Variants in CD200 observed in about 807,000 individuals in gnomAD.
CD200 encodes the protein CD200 molecule.
A neutral mutation model predicts 30.9 loss-of-function variants in CD200; 15 were observed. That is an observed-to-expected ratio of 0.49 (90% CI 0.32 to 0.75). The LOEUF (loss-of-function observed/expected upper bound fraction) is 0.75. CD200 is among the 30% of genes least tolerant of loss of function. The pLI is 0.03. For missense variants in CD200, 262 were observed against 324.2 expected, an observed-to-expected ratio of 0.81 and a Z score of 1.47; for synonymous variants, 134 against 126.2, an observed-to-expected ratio of 1.06 and a Z score of -0.41.
chr3:112,344,849 A>AT, intron 2 of CD200, 113 bp from the exon 3 acceptor site: 1 of 827,272 alleles, frequency 1.2e-6, no homozygotes, highest in Non-Finnish European at 1.9e-6. Context: ...TCTTTTTTGC[A>AT]TTTTCTCTTT....
chr3:112,341,199 A>C (rs995864951), intron 2 of CD200, among the ~76,000 whole-genome samples: 1 of 152,248 alleles, frequency 6.6e-6, no homozygotes, highest in Non-Finnish European at 1.5e-5. Context: ...AGCCGTTTCC[A>C]TAGTAGATGA....
intron 5 of CD200, among the ~76,000 whole-genome samples, chr3:112,350,903 G>T (rs2081517880): frequency 6.6e-6 from 1 of 152,012 alleles, no homozygotes; most frequent in African/African-American, 2.4e-5. Flanking sequence ...TAATTCTTGT[G>T]AATTTATAAA....
At chr3:112,355,162 G>C (rs1317327372) in intron 5 of CD200, among the ~76,000 whole-genome samples, 1 of 152,128 alleles carries the variant, frequency 6.6e-6, no homozygotes, top group South Asian at 2.1e-4. Context: ...TACTTAGAGG[G>C]ACAGCTGTTT....
chr3:112,333,285 C>G, intron 1 of CD200, 61 bp downstream of exon 1: 3 of 1,521,546 alleles, frequency 2.0e-6, no homozygotes, highest in South Asian at 2.5e-5. Flanking sequence ...GCCGGTGGCC[C>G]TGGGGCGGGC....
intron 1 of CD200, among the ~76,000 whole-genome samples, chr3:112,336,771 G>A (rs1011492726): frequency 1.3e-5 from 2 of 152,138 alleles, no homozygotes; most frequent in Non-Finnish European, 2.9e-5. Context: ...ACAGGATTCA[G>A]TGGATATTGA....
intron 4 of CD200, 25 bp from the exon 5 acceptor site, chr3:112,349,687 C>A (rs1365385322): frequency 6.3e-7 from 1 of 1,583,122 alleles, no homozygotes; most frequent in Non-Finnish European, 8.6e-7. Context: ...TGTCATTTTC[C>A]TTTTTCTTTC....
intron 3 of CD200, among the ~76,000 whole-genome samples, chr3:112,346,570 G>GT (rs1468465521): frequency 1.3e-5 from 2 of 152,122 alleles, no homozygotes; most frequent in African/African-American, 4.8e-5. Context: ...CCATATTCAT[G>GT]TTTTTTCATT....
At chr3:112,332,851 C>A, upstream of CD200, 1 of 264,844 alleles carries the variant, frequency 3.8e-6, no homozygotes, top group Non-Finnish European at 7.2e-6. Context: ...AACAGGTCAA[C>A]AACTGATCTC....
intron 4 of CD200, among the ~76,000 whole-genome samples, chr3:112,348,087 T>C (rs748035179): frequency 2.6e-5 from 4 of 152,250 alleles, no homozygotes; most frequent in Non-Finnish European, 5.9e-5. Flanking sequence ...TCTTCCACTC[T>C]ACTAACATGT....
At chr3:112,338,377 A>G (rs2081165958) in intron 1 of CD200, among the ~76,000 whole-genome samples, 1 of 152,230 alleles carries the variant, frequency 6.6e-6, no homozygotes, top group Non-Finnish European at 1.5e-5. Flanking sequence ...AAATTTAATT[A>G]TTCAGCATTC....
intron 5 of CD200, among the ~76,000 whole-genome samples, chr3:112,357,986 G>A (rs1312382843): frequency 6.6e-6 from 1 of 152,178 alleles, no homozygotes; most frequent in East Asian, 1.9e-4. Flanking sequence ...TTCAGTTCAA[G>A]GGTATGGGTG....
At chr3:112,333,319 C>T in intron 1 of CD200, 95 bp downstream of exon 1, 3 of 1,491,906 alleles carry the variant, frequency 2.0e-6, no homozygotes, top group Non-Finnish European at 2.7e-6. Flanking sequence ...CGCGGAGCTT[C>T]GGCTCTTGCC....
rs1559782984 is a variant in CD200 at position 112,342,321 on chromosome 3, CTTTCTTTCTTTCTTTCCTTCTTTCT to C, written c.94+1341_94+1365del. ...TCCTTCCTTCCTTTCTTCTTTCTTT[CTTTCTTTCTTTCTTTCCTTCTTTCT>C]TTCTTTCTTTCTTTCTTTCTTTCTT... On this transcript the variant is annotated intron_variant, in intron 2 of 5. Coordinates refer to ENST00000315711, the MANE Select transcript of CD200 (RefSeq NM_005944.7). Among the ~76,000 whole-genome samples the C allele has an allele frequency of 2.5e-3, 57 of 22,672 alleles. 3 individuals are homozygous for C. Among genetic ancestry groups the C allele is most frequent in the African/African-American group, 5.9e-3 (27 of 4,578 alleles). The allele number at this position is 22,672 out of a possible 152,430, so 14.9% of individuals were successfully genotyped here. A position where few individuals can be genotyped will look rare whatever the true frequency, so the allele number is the denominator to read the frequency against.
At chr3:112,348,413 A>G (rs1012184373) in intron 4 of CD200, among the ~76,000 whole-genome samples, 2 of 152,206 alleles carry the variant, frequency 1.3e-5, no homozygotes, top group Non-Finnish European at 2.9e-5. Flanking sequence ...TTTTAAAGCA[A>G]ACTGCCTCCT....
chr3:112,358,730 A>G (rs891376589), intron 5 of CD200, among the ~76,000 whole-genome samples: 1 of 152,204 alleles, frequency 6.6e-6, no homozygotes, highest in Non-Finnish European at 1.5e-5. Context: ...CTGATTCATG[A>G]GTTTTGCATC....
intron 5 of CD200, among the ~76,000 whole-genome samples, chr3:112,360,760 G>A (rs1224017615): frequency 6.6e-6 from 1 of 152,134 alleles, no homozygotes; most frequent in Non-Finnish European, 1.5e-5. Context: ...TTACTTCATC[G>A]TCTATGTGCC....
chr3:112,349,794 G>C lies in CD200; in HGVS notation c.777G>C (p.Trp259Cys). Residue 259 changes from tryptophan (W) to cysteine (C), a missense_variant, in exon 5 of 6, where the codon TGG (tryptophan) becomes TGC (cysteine). By Grantham distance (215) the Trp-to-Cys change is radical. Coordinates refer to ENST00000315711, the MANE Select transcript of CD200 (RefSeq NM_005944.7). The stretch of plus-strand genomic sequence containing the variant: ...TCCTAATCTCAATCTTACTGTACTG[G>C]AAACGTCACCGGAATCAGGACCGAG... ...LLVLISILLY[W>C]KRHRNQDREP 6.2e-7 allele frequency: 1 copy of C among 1,610,762 alleles called. No homozygotes were observed. The highest frequency in any genetic ancestry group is 8.5e-7 in the Non-Finnish European group (1 of 1,178,434).
chr3:112,353,005 C>A (rs1262658682), intron 5 of CD200, among the ~76,000 whole-genome samples: 2 of 152,122 alleles, frequency 1.3e-5, no homozygotes, highest in African/African-American at 4.8e-5. Flanking sequence ...AAAGAGCATT[C>A]TTTTCTCTTT....
At chr3:112,353,434 A>G (rs2081572246) in intron 5 of CD200, among the ~76,000 whole-genome samples, 1 of 152,116 alleles carries the variant, frequency 6.6e-6, no homozygotes. Flanking sequence ...TCCATGTAGA[A>G]ATATGTTTTT....
Sources: allele counts gnomAD v4.1 joint callset (sites outside exome capture counted in the v4.1 genomes callset), GRCh38; gene constraint gnomAD v4.1.1; transcripts MANE v1.5; gene names NCBI Gene and HGNC (gene_info 2026-07-23, HGNC 2026-07-21).